The following GRIK2 variants were observed in gnomAD, a reference collection of about 807,000 sequenced individuals.
GRIK2 encodes the protein glutamate receptor ionotropic, kainate 2.
Under a neutral mutation model 100.3 loss-of-function variants are expected in GRIK2, and 32 were observed. That is an observed-to-expected ratio of 0.32 (90% CI 0.24 to 0.43). The LOEUF (loss-of-function observed/expected upper bound fraction) is 0.43. Among genes scored for constraint, GRIK2 ranks in the 20% least tolerant of loss-of-function variants. The pLI is 1.00. For missense variants in GRIK2, 843 were observed against 1,114.9 expected, an observed-to-expected ratio of 0.76 and a Z score of 3.47; for synonymous variants, 417 against 389.4, an observed-to-expected ratio of 1.07 and a Z score of -0.83.
chr6:101,701,258 T>G (rs1772872970), intron 7 of GRIK2, among the ~76,000 whole-genome samples: 1 of 152,198 alleles, frequency 6.6e-6, no homozygotes, highest in Non-Finnish European at 1.5e-5. Flanking sequence ...CTCCAGAAGC[T>G]GAGAGAATTT....
intron 16 of GRIK2, among the ~76,000 whole-genome samples, chr6:102,058,144 A>G (rs887280897): frequency 6.6e-5 from 10 of 151,828 alleles, no homozygotes; most frequent in African/African-American, 2.2e-4. Context: ...TTAAGTCTAG[A>G]TATCTTCACG....
intron 12 of GRIK2, among the ~76,000 whole-genome samples, chr6:101,917,586 C>G (rs1404745202): frequency 6.9e-6 from 1 of 144,212 alleles, no homozygotes; most frequent in African/African-American, 2.5e-5. Flanking sequence ...TGTCACTTGC[C>G]TTTTTTTTTT....
chr6:101,744,558 A>ATATATC (rs751011648), intron 7 of GRIK2: 12 of 115,026 alleles, frequency 1.0e-4, no homozygotes, highest in South Asian at 2.7e-4. Flanking sequence ...ATATATATAT[A>ATATATC]TCACAATTTC....
chr6:101,996,153 A>AT (rs1253059446), intron 14 of GRIK2, among the ~76,000 whole-genome samples: 1 of 151,820 alleles, frequency 6.6e-6, no homozygotes, highest in Admixed American at 6.6e-5. Flanking sequence ...TTGTTCTAAA[A>AT]TTGTTCTAAA....
intron 14 of GRIK2, among the ~76,000 whole-genome samples, chr6:101,986,231 A>G (rs1039384683): frequency 2.0e-5 from 3 of 151,970 alleles, no homozygotes; most frequent in Middle Eastern, 6.8e-3. Context: ...ATGTAGACTT[A>G]TTTTTTATTT....
At chr6:101,678,495 G>A (rs1052078373) in intron 5 of GRIK2, among the ~76,000 whole-genome samples, 9 of 152,242 alleles carry the variant, frequency 5.9e-5, no homozygotes, top group African/African-American at 2.2e-4. Flanking sequence ...TATACAGTAT[G>A]CATCCTCTGA....
At chr6:101,781,950 C>T (rs114033794) in intron 7 of GRIK2, among the ~76,000 whole-genome samples, 6,874 of 152,162 alleles carry the variant, frequency 0.045, 187 homozygotes, top group Non-Finnish European at 0.057. Context: ...AGGTTTTGGA[C>T]ACCCAACTTC....
At chr6:101,536,195 G>A (rs892578786) in intron 2 of GRIK2, among the ~76,000 whole-genome samples, 4 of 151,576 alleles carry the variant, frequency 2.6e-5, no homozygotes, top group East Asian at 3.9e-4. Flanking sequence ...AATAAAAAGC[G>A]TTCAGGGATG....
At chr6:101,395,113 C>T (rs1320837611) in intron 1 of GRIK2, among the ~76,000 whole-genome samples, 2 of 152,160 alleles carry the variant, frequency 1.3e-5, no homozygotes, top group African/African-American at 4.8e-5. Context: ...ATAAGGGATA[C>T]CACAGCATGC....
At chr6:101,545,537 A>G (rs1027443745) in intron 2 of GRIK2, among the ~76,000 whole-genome samples, 3 of 152,176 alleles carry the variant, frequency 2.0e-5, no homozygotes, top group Non-Finnish European at 4.4e-5. Flanking sequence ...CAAATCTTCA[A>G]GGAAATGTGC....
At chr6:101,928,257 C>A (rs1790040852) in intron 13 of GRIK2, 158 bp from the exon 14 acceptor site, 2 of 602,890 alleles carry the variant, frequency 3.3e-6, no homozygotes, top group Non-Finnish European at 5.9e-6. Flanking sequence ...ATAGCCTCTG[C>A]TTTCCCAATG....
At chr6:101,554,374 T>C (rs1776643506) in intron 2 of GRIK2, among the ~76,000 whole-genome samples, 1 of 152,214 alleles carries the variant, frequency 6.6e-6, no homozygotes, top group East Asian at 1.9e-4. Context: ...AGTGACTTTT[T>C]GTTCTTTGCA....
intron 12 of GRIK2, among the ~76,000 whole-genome samples, chr6:101,916,989 G>A (rs114303260): frequency 0.015 from 2,319 of 151,628 alleles, 56 homozygotes; most frequent in African/African-American, 0.053. Context: ...TCATGAAAAT[G>A]GCATAATTTC....
chr6:101,914,568 G>A (rs1788972846), intron 12 of GRIK2, among the ~76,000 whole-genome samples: 1 of 151,424 alleles, frequency 6.6e-6, no homozygotes, highest in Non-Finnish European at 1.5e-5. Flanking sequence ...TGCAATGTGG[G>A]AGTTACTTTG....
At position 101,749,803 on chromosome 6, in the gene GRIK2, C is replaced by CTTT. The variant is rs989554915; in HGVS notation, c.952-49824_952-49822dup. Reference sequence around the variant, plus strand: ...ACTGAAAACTTGTGTGTGCCAGTTTCTTTTTTTTTTTTTTTTTTTTTTTGT... The same window carrying CTTT: ...ACTGAAAACTTGTGTGTGCCAGTTTCTTTTTTTTTTTTTTTTTTTTTTTTTTGT... On this transcript the variant is annotated intron_variant, in intron 7 of 16. Transcript: ENST00000369134. 5.4e-3 allele frequency among the ~76,000 whole-genome samples: 500 copies of CTTT among 92,510 alleles called. 2 individuals carry two copies. The highest frequency in any genetic ancestry group is 7.8e-3 in the African/African-American group (176 of 22,476). 60.7% of individuals were successfully genotyped at this position (92,510 alleles called of 152,430 possible).
At chr6:101,447,175 A>T (rs1023243824) in intron 2 of GRIK2, among the ~76,000 whole-genome samples, 12 of 151,562 alleles carry the variant, frequency 7.9e-5, no homozygotes, top group Admixed American at 2.0e-4. Context: ...TTGCAGTGGG[A>T]AAAGGCCAAG....
intron 7 of GRIK2, among the ~76,000 whole-genome samples, chr6:101,791,924 T>G (rs371252899): frequency 3.1e-4 from 47 of 151,708 alleles, no homozygotes; most frequent in South Asian, 6.3e-4. Flanking sequence ...AGGATAGTTA[T>G]CTCTTCTTGT....
intron 10 of GRIK2, among the ~76,000 whole-genome samples, chr6:101,839,489 C>T (rs1210492470): frequency 6.6e-6 from 1 of 151,914 alleles, no homozygotes; most frequent in Non-Finnish European, 1.5e-5. Flanking sequence ...AAGTAGAAAG[C>T]CTTTGTAAGT....
intron 12 of GRIK2, among the ~76,000 whole-genome samples, chr6:101,910,957 C>T (rs1693253500): frequency 6.7e-6 from 1 of 150,320 alleles, no homozygotes; most frequent in East Asian, 2.0e-4. Context: ...TTTGTTTTAC[C>T]CTTCAGTGGA....
Sources: allele counts gnomAD v4.1 joint callset (sites outside exome capture counted in the v4.1 genomes callset), GRCh38; gene constraint gnomAD v4.1.1; transcripts MANE v1.5; gene names NCBI Gene and HGNC (gene_info 2026-07-23, HGNC 2026-07-21).